The following TMEM132B variants were observed in gnomAD, a reference collection of about 807,000 sequenced individuals.
TMEM132B encodes the protein transmembrane protein 132B.
Under a neutral mutation model 90.8 loss-of-function variants are expected in TMEM132B, and 18 were observed. That is an observed-to-expected ratio of 0.20 (90% CI 0.14 to 0.29). The LOEUF (loss-of-function observed/expected upper bound fraction) is 0.29. Among genes scored for constraint, TMEM132B ranks in the 10% least tolerant of loss-of-function variants. The pLI is 1.00. For synonymous variants in TMEM132B, 504 were observed against 523.3 expected, an observed-to-expected ratio of 0.96 and a Z score of 0.50; for missense variants, 1,096 against 1,326.8, an observed-to-expected ratio of 0.83 and a Z score of 2.70.
intron 3 of TMEM132B, among the ~76,000 whole-genome samples, chr12:125,443,682 T>G (rs1044519779): frequency 6.6e-6 from 1 of 152,202 alleles, no homozygotes; most frequent in South Asian, 2.1e-4. Flanking sequence ...ACATTATAAT[T>G]AAACATTTAC....
intron 8 of TMEM132B, 37 bp from the exon 9 acceptor site, chr12:125,653,528 T>C (rs1051479045): frequency 2.6e-6 from 4 of 1,551,602 alleles, no homozygotes; most frequent in Non-Finnish European, 3.5e-6. Context: ...TGAAGGAATC[T>C]GATTATAACA....
chr12:125,261,192 C>T (rs939506318), intron 1 of TMEM132B, among the ~76,000 whole-genome samples: 1 of 152,194 alleles, frequency 6.6e-6, no homozygotes, highest in Non-Finnish European at 1.5e-5. Flanking sequence ...GTCTTAAATT[C>T]TGTGACTGTT....
intron 5 of TMEM132B, among the ~76,000 whole-genome samples, chr12:125,617,592 C>A (rs1020157013): frequency 1.3e-5 from 2 of 151,974 alleles, no homozygotes; most frequent in South Asian, 2.1e-4. Context: ...TGATCCACCC[C>A]CCTCGGCCTC....
intron 4 of TMEM132B, among the ~76,000 whole-genome samples, chr12:125,553,064 A>G (rs769594593): frequency 3.7e-4 from 56 of 152,386 alleles, no homozygotes; most frequent in Non-Finnish European, 2.5e-4. Context: ...GGATTTTACT[A>G]GGACAGTTGT....
chr12:125,477,880 A>G (rs972178385), intron 3 of TMEM132B, among the ~76,000 whole-genome samples: 14 of 152,138 alleles, frequency 9.2e-5, no homozygotes, highest in Admixed American at 1.3e-4. Flanking sequence ...CCCCTCTGAG[A>G]TGAAGCTTCC....
chr12:125,217,842 A>C (rs1023813700), intron 1 of TMEM132B, among the ~76,000 whole-genome samples: 1 of 152,184 alleles, frequency 6.6e-6, no homozygotes, highest in African/African-American at 2.4e-5. Flanking sequence ...GCGCACTGAG[A>C]TGTTTATCAC....
chr12:125,593,090 T>A (rs1885356425), intron 5 of TMEM132B, among the ~76,000 whole-genome samples: 2 of 152,230 alleles, frequency 1.3e-5, no homozygotes, highest in African/African-American at 2.4e-5. Flanking sequence ...GGGCATGAAT[T>A]TCCTTTCCTT....
intron 2 of TMEM132B, among the ~76,000 whole-genome samples, chr12:125,366,465 G>A (rs1878136927): frequency 6.6e-6 from 1 of 152,098 alleles, no homozygotes; most frequent in Non-Finnish European, 1.5e-5. Context: ...CATTTTAACT[G>A]GGGTGAGATG....
chr12:125,591,020 CGTGTGTGTGTGTGTGTTTGT>C (rs888309721), intron 5 of TMEM132B, among the ~76,000 whole-genome samples: 2 of 150,646 alleles, frequency 1.3e-5, no homozygotes, highest in South Asian at 4.2e-4. Flanking sequence ...TGCACGCCCG[CGTGTGTGTGTGTGTGTTTGT>C]GTGTGTGTGT....
intron 4 of TMEM132B, among the ~76,000 whole-genome samples, chr12:125,536,988 A>AT (rs919920833): frequency 3.9e-5 from 6 of 152,008 alleles, no homozygotes; most frequent in Middle Eastern, 3.4e-3. Context: ...TCTTTTTGGG[A>AT]TTTTTTAAAA....
rs149325366 is a variant in TMEM132B, at chr12:125,561,066, T to C, written c.1294-22785T>C. 6.5e-3 allele frequency among the ~76,000 whole-genome samples: 982 copies of C among 152,246 alleles called. 6 individuals are homozygous for C. The highest frequency in any genetic ancestry group is 0.023 in the African/African-American group (935 of 41,534). ...TAAATCATTCTACTATAAAGACACA[T>C]GCACACATATGTTTATTGCGGCACT... is the stretch of plus-strand genomic sequence containing the variant. On this transcript the variant is annotated intron_variant, in intron 4 of 8. Coordinates refer to ENST00000682704, the MANE Select transcript of TMEM132B (RefSeq NM_001366854.1).
intron 1 of TMEM132B, among the ~76,000 whole-genome samples, chr12:125,248,535 C>A (rs1003534500): frequency 6.6e-6 from 1 of 152,118 alleles, no homozygotes; most frequent in South Asian, 2.1e-4. Flanking sequence ...GAGTTTATAT[C>A]GCTAGATGTG....
chr12:125,453,130 A>C (rs1354725234), intron 3 of TMEM132B, among the ~76,000 whole-genome samples: 2 of 151,254 alleles, frequency 1.3e-5, no homozygotes, highest in Non-Finnish European at 2.9e-5. Flanking sequence ...CCAACACTTA[A>C]ATTTTTTTAA....
intron 5 of TMEM132B, among the ~76,000 whole-genome samples, chr12:125,626,036 A>C (rs889305350): frequency 3.3e-5 from 5 of 152,192 alleles, no homozygotes; most frequent in Non-Finnish European, 2.9e-5. Flanking sequence ...TTTGTTACTA[A>C]TATTAACACA....
In TMEM132B at chr12:125,650,969, C is replaced by T. The variant is rs757263568; in HGVS notation, c.1914+16C>T. On this transcript the variant is annotated intron_variant, in intron 7 of 8. Transcript: ENST00000682704. Reference sequence around the variant, plus strand: ...CACGGTGCAGGTACACGCCGCCATGCCTTGCCCAACAGCAGTCTGTGTTGA... The same window carrying T: ...CACGGTGCAGGTACACGCCGCCATGTCTTGCCCAACAGCAGTCTGTGTTGA... 3.3e-5 allele frequency: 53 copies of T among 1,610,902 alleles called. No individual in the cohort carries two copies. In the East Asian group the frequency reaches 9.8e-4, roughly 30 times the overall value.
intron 1 of TMEM132B, among the ~76,000 whole-genome samples, chr12:125,296,823 C>G (rs1296122621): frequency 6.6e-6 from 1 of 152,236 alleles, no homozygotes; most frequent in Non-Finnish European, 1.5e-5. Flanking sequence ...GAGGACTCCT[C>G]AGGCTCCTTG....
At chr12:125,352,329 G>T (rs1452892759) in intron 2 of TMEM132B, among the ~76,000 whole-genome samples, 1 of 152,256 alleles carries the variant, frequency 6.6e-6, no homozygotes, top group African/African-American at 2.4e-5. Flanking sequence ...TGAGTCAGCA[G>T]CCTCTATCTG....
chr12:125,250,593 C>T (rs1874296141), intron 1 of TMEM132B, among the ~76,000 whole-genome samples: 1 of 152,228 alleles, frequency 6.6e-6, no homozygotes, highest in South Asian at 2.1e-4. Context: ...TGTCTAAGCA[C>T]AGGAGCACTT....
chr12:125,626,804 C>T (rs947372804), intron 5 of TMEM132B, among the ~76,000 whole-genome samples: 1 of 152,148 alleles, frequency 6.6e-6, no homozygotes, highest in Non-Finnish European at 1.5e-5. Context: ...TCTTTGGTTT[C>T]ACATGACCTT....
Sources: gnomAD v4.1 joint callset for allele counts (sites outside exome capture counted in the v4.1 genomes callset) on GRCh38, gnomAD v4.1.1 for gene constraint, MANE v1.5 for transcripts, NCBI Gene and HGNC (gene_info 2026-07-23, HGNC 2026-07-21) for gene names.